Variants in SLC24A2 observed in about 807,000 individuals in gnomAD.
The protein encoded by SLC24A2 is solute carrier family 24 member 2, also known as sodium/potassium/calcium exchanger 2.
SLC24A2 carries 36 observed loss-of-function variants against 62.0 expected under a neutral mutation model. That is an observed-to-expected ratio of 0.58 (90% CI 0.44 to 0.77). The LOEUF is 0.77. SLC24A2 is among the 30% of genes least tolerant of loss of function. The pLI, the probability that SLC24A2 is intolerant of heterozygous loss-of-function variation, is 0.00. For missense variants in SLC24A2, 846 were observed against 817.9 expected (o/e 1.03, Z -0.42); for synonymous variants, 358 against 294.0 (o/e 1.22, Z -2.23).
the SLC24A2 span, among the ~76,000 whole-genome samples, chr9:20,083,586 T>A: frequency 6.6e-6 from 1 of 152,260 alleles, no homozygotes; most frequent in South Asian, 2.1e-4. Flanking sequence ...TTCAGTCAAG[T>A]CTGCCAGTGT....
chr9:20,152,593 T>C, the SLC24A2 span, among the ~76,000 whole-genome samples: 392 of 152,038 alleles, frequency 2.6e-3, 2 homozygotes, highest in Middle Eastern at 6.8e-3. Context: ...GTTTGAATTC[T>C]AGAACTATTA....
At chr9:20,080,996 A>G in the SLC24A2 span, among the ~76,000 whole-genome samples, 10 of 152,148 alleles carry the variant, frequency 6.6e-5, no homozygotes, top group African/African-American at 1.2e-4. Flanking sequence ...TGGAGAGGAT[A>G]TGGAGAAATA....
chr9:19,634,723 T>C (rs1818269520), intron 2 of SLC24A2, among the ~76,000 whole-genome samples: 1 of 152,196 alleles, frequency 6.6e-6, no homozygotes, highest in Non-Finnish European at 1.5e-5. Context: ...ATAGAAGTCA[T>C]CTAATCTTTA....
chr9:19,657,888 C>T (rs1818986606), intron 2 of SLC24A2, among the ~76,000 whole-genome samples: 3 of 152,102 alleles, frequency 2.0e-5, no homozygotes, highest in Non-Finnish European at 4.4e-5. Flanking sequence ...CCACCACACC[C>T]AGCTAATTAA....
At chr9:19,776,421 G>C (rs1822848282) in intron 2 of SLC24A2, among the ~76,000 whole-genome samples, 1 of 152,192 alleles carries the variant, frequency 6.6e-6, no homozygotes, top group African/African-American at 2.4e-5. Flanking sequence ...GATGTAGTAA[G>C]TACCTGGTAT....
Position 19,511,319 on chromosome 9 carries a change from A to C in SLC24A2, c.*4834T>G, listed in dbSNP as rs1371429347. ...AGGCAGAGGCAGAGTCAGGGAGCTA[A>C]CAGTAAATAGAAGGTGGAATAGGGC... On this transcript the variant is annotated 3_prime_UTR_variant, in exon 11 of 11. Coordinates refer to ENST00000341998, the MANE Select transcript of SLC24A2 (RefSeq NM_020344.4). 1.3e-5 allele frequency: 2 copies of C among 152,200 alleles called. No individual in the cohort carries two copies. The highest frequency in any genetic ancestry group is 4.8e-5 in the African/African-American group (2 of 41,440). 9.4% of individuals were successfully genotyped at this position (152,200 alleles called of 1,614,324 possible). A position where few individuals can be genotyped will look rare whatever the true frequency, so the allele number is the denominator to read the frequency against.
rs756678294 is a variant in SLC24A2, at chr9:19,516,107, G to A, written c.*46C>T. The A allele has an allele frequency of 6.8e-6, 11 of 1,612,478 alleles. No homozygotes were observed. In the African/African-American group the frequency reaches 1.5e-4, roughly 22 times the overall value. Reference sequence around the variant, plus strand: ...GGTCAAGGAGCCCAGAGCCCAGAGTGTGGAGGGACCATTCATGCTGCTGGT... The same window carrying A: ...GGTCAAGGAGCCCAGAGCCCAGAGTATGGAGGGACCATTCATGCTGCTGGT... On this transcript the variant is annotated 3_prime_UTR_variant, in exon 11 of 11. Coordinates refer to ENST00000341998, the MANE Select transcript of SLC24A2 (RefSeq NM_020344.4).
chr9:19,791,413 A>T (rs1219800837), upstream of SLC24A2, among the ~76,000 whole-genome samples: 1 of 152,242 alleles, frequency 6.6e-6, no homozygotes, highest in African/African-American at 2.4e-5. Flanking sequence ...AACTGAGCAC[A>T]TAGTCATCTT....
chr9:20,039,224 C>A, the SLC24A2 span, among the ~76,000 whole-genome samples: 1 of 152,174 alleles, frequency 6.6e-6, no homozygotes, highest in Non-Finnish European at 1.5e-5. Flanking sequence ...TCTCAAACTT[C>A]TTTGTGCCTC....
Position 19,702,238 on chromosome 9 carries a change from T to C in SLC24A2, c.931-79939A>G, listed in dbSNP as rs539607090. ...CCCATGAATGCAGGTTTTAGTCAAATGCCAGCATTCTCTGTACACTTGGTG... is the reference window on the plus strand; with the variant it reads ...CCCATGAATGCAGGTTTTAGTCAAACGCCAGCATTCTCTGTACACTTGGTG... On this transcript the variant is annotated intron_variant, in intron 2 of 10. Transcript: ENST00000341998. Among the ~76,000 whole-genome samples the C allele has an allele frequency of 2.0e-5, 3 of 152,356 alleles. No individual in the cohort carries two copies. In the South Asian group the frequency reaches 6.2e-4, roughly 32 times the overall value.
chr9:20,113,994 C>G, the SLC24A2 span, among the ~76,000 whole-genome samples: 1 of 152,118 alleles, frequency 6.6e-6, no homozygotes, highest in Admixed American at 6.6e-5. Flanking sequence ...CACTTTTTGC[C>G]TGGAAAGTGA....
the SLC24A2 span, among the ~76,000 whole-genome samples, chr9:20,103,219 C>T: frequency 3.3e-5 from 5 of 152,322 alleles, no homozygotes; most frequent in Non-Finnish European, 7.4e-5. Context: ...TGGAGCCCAC[C>T]ACAGCTCAAG....
At chr9:20,259,761 C>T in the SLC24A2 span, among the ~76,000 whole-genome samples, 7 of 152,108 alleles carry the variant, frequency 4.6e-5, no homozygotes, top group Admixed American at 2.6e-4. Flanking sequence ...CCAAAACTTG[C>T]GTTAAAATTT....
the SLC24A2 span, among the ~76,000 whole-genome samples, chr9:20,274,196 T>C: frequency 6.6e-6 from 1 of 152,100 alleles, no homozygotes; most frequent in Admixed American, 6.6e-5. Context: ...ACATAGATAA[T>C]GATGCCAGCT....
chr9:19,527,368 C>A (rs563855440), intron 9 of SLC24A2, among the ~76,000 whole-genome samples: 11 of 152,128 alleles, frequency 7.2e-5, no homozygotes, highest in African/African-American at 2.4e-4. Flanking sequence ...AATAATAGTA[C>A]CTGCTTCATA....
At chr9:20,180,586 T>C in the SLC24A2 span, among the ~76,000 whole-genome samples, 1 of 152,192 alleles carries the variant, frequency 6.6e-6, no homozygotes, top group East Asian at 1.9e-4. Context: ...AATAATTCCA[T>C]GGAGATTATT....
At chr9:19,651,551 C>T (rs573601216) in intron 2 of SLC24A2, among the ~76,000 whole-genome samples, 1 of 133,150 alleles carries the variant, frequency 7.5e-6, no homozygotes, top group African/African-American at 2.6e-5. Context: ...GGGAACCCCC[C>T]ACGCCCACCA....
the SLC24A2 span, among the ~76,000 whole-genome samples, chr9:20,304,992 T>C: frequency 8.7e-5 from 13 of 150,136 alleles, no homozygotes; most frequent in South Asian, 1.7e-3. Flanking sequence ...CTTAAATGAC[T>C]CCCCACTTCA....
At chr9:19,638,312 T>C (rs993273747) in intron 2 of SLC24A2, among the ~76,000 whole-genome samples, 1 of 152,232 alleles carries the variant, frequency 6.6e-6, no homozygotes, top group Non-Finnish European at 1.5e-5. Context: ...CCTATTATAG[T>C]CAATGCACAC....
Sources: allele counts gnomAD v4.1 joint callset (sites outside exome capture counted in the v4.1 genomes callset), GRCh38; gene constraint gnomAD v4.1.1; transcripts MANE v1.5; gene names NCBI Gene and HGNC (gene_info 2026-07-23, HGNC 2026-07-21).